Variants in SLC24A2 observed in about 807,000 individuals in gnomAD.
SLC24A2 encodes the protein solute carrier family 24 member 2.
SLC24A2 carries 36 observed loss-of-function variants against 62.0 expected under a neutral mutation model. The observed-to-expected ratio is 0.58, with a 90% CI of 0.44 to 0.77. The LOEUF is 0.77. SLC24A2 is among the 30% of genes least tolerant of loss of function. The probability of loss-of-function intolerance (pLI) is 0.00; values close to 1 mark genes in which losing one functional copy is unlikely to be tolerated. For missense variants in SLC24A2, 846 were observed against 817.9 expected (o/e 1.03, Z -0.42); for synonymous variants, 358 against 294.0 (o/e 1.22, Z -2.23).
chr9:20,276,055 C>T, the SLC24A2 span, among the ~76,000 whole-genome samples: 2,411 of 152,192 alleles, frequency 0.016, 75 homozygotes, highest in African/African-American at 0.054. Context: ...TATCATTCTG[C>T]CCCTGGCCCC....
chr9:19,836,050 C>A, the SLC24A2 span, among the ~76,000 whole-genome samples: 1 of 151,978 alleles, frequency 6.6e-6, no homozygotes, highest in Admixed American at 6.5e-5. Flanking sequence ...CACAACATAC[C>A]AGAATCTCTG....
At chr9:19,733,192 G>A (rs1199451046) in intron 2 of SLC24A2, among the ~76,000 whole-genome samples, 1 of 151,942 alleles carries the variant, frequency 6.6e-6, no homozygotes, top group African/African-American at 2.4e-5. Flanking sequence ...ATGATGGGGA[G>A]AACAGGGCAC....
the SLC24A2 span, among the ~76,000 whole-genome samples, chr9:19,797,703 T>C: frequency 6.6e-6 from 1 of 152,216 alleles, no homozygotes; most frequent in Non-Finnish European, 1.5e-5. Flanking sequence ...GGGACTTTAT[T>C]ATTCACTTTA....
chr9:19,717,138 A>G lies in SLC24A2; in HGVS notation c.930+68799T>C, dbSNP rs142404306. On this transcript the variant is annotated intron_variant, in intron 2 of 10. Transcript: ENST00000341998. ...ATGAGGTGGACTCACAATATTTGAT[A>G]AGATGTAGAGGCAGAATTAGAAGGT... 1.3e-4 allele frequency among the ~76,000 whole-genome samples: 20 copies of G among 152,346 alleles called. No homozygotes were observed. The East Asian group carries it at 3.9e-3, about 29-fold the overall frequency.
At chr9:20,128,577 T>TA in the SLC24A2 span, among the ~76,000 whole-genome samples, 1 of 152,110 alleles carries the variant, frequency 6.6e-6, no homozygotes, top group Non-Finnish European at 1.5e-5. Context: ...TTCAAAGGTC[T>TA]TTTTCCCCAG....
the SLC24A2 span, among the ~76,000 whole-genome samples, chr9:20,074,511 G>A: frequency 4.0e-5 from 6 of 150,440 alleles, no homozygotes; most frequent in Non-Finnish European, 2.9e-5. Flanking sequence ...TTCTTATTAG[G>A]TCATGCCCAG....
the SLC24A2 span, among the ~76,000 whole-genome samples, chr9:19,931,708 T>A: frequency 6.6e-6 from 1 of 152,198 alleles, no homozygotes; most frequent in African/African-American, 2.4e-5. Flanking sequence ...GGAAGTCCCA[T>A]GTCCACAACA....
chr9:20,100,623 G>T, the SLC24A2 span, among the ~76,000 whole-genome samples: 1 of 152,136 alleles, frequency 6.6e-6, no homozygotes, highest in Non-Finnish European at 1.5e-5. Flanking sequence ...GACACTTAGT[G>T]TTCAACAAAT....
the SLC24A2 span, among the ~76,000 whole-genome samples, chr9:20,123,424 C>G: frequency 6.6e-6 from 1 of 152,182 alleles, no homozygotes; most frequent in Non-Finnish European, 1.5e-5. Flanking sequence ...ATTTTCTCTA[C>G]TTTTCAAATG....
chr9:19,738,450 T>C (rs1821574023), intron 2 of SLC24A2, among the ~76,000 whole-genome samples: 1 of 152,020 alleles, frequency 6.6e-6, no homozygotes, highest in Non-Finnish European at 1.5e-5. Flanking sequence ...GGTCAGTGGG[T>C]GGATTTGTGA....
chr9:20,202,391 G>A, the SLC24A2 span, among the ~76,000 whole-genome samples: 14 of 152,200 alleles, frequency 9.2e-5, no homozygotes, highest in African/African-American at 3.4e-4. Flanking sequence ...TTTGAAGCCA[G>A]AGTGTCTTTG....
chr9:20,219,215 G>A, the SLC24A2 span, among the ~76,000 whole-genome samples: 1 of 152,284 alleles, frequency 6.6e-6, no homozygotes, highest in Admixed American at 6.5e-5. Context: ...AGAAGGCTGT[G>A]TATACTTGCT....
intron 8 of SLC24A2, among the ~76,000 whole-genome samples, chr9:19,531,664 A>G (rs1288878778): frequency 2.0e-5 from 3 of 152,054 alleles, no homozygotes; most frequent in Admixed American, 2.0e-4. Context: ...TACTCTGTGT[A>G]AGGTTCTGGG....
chr9:20,090,307 C>A, the SLC24A2 span, among the ~76,000 whole-genome samples: 1 of 152,148 alleles, frequency 6.6e-6, no homozygotes, highest in Non-Finnish European at 1.5e-5. Flanking sequence ...TTCTAAGGTT[C>A]CTTTCTTTGC....
the SLC24A2 span, among the ~76,000 whole-genome samples, chr9:19,907,734 A>G: frequency 6.6e-5 from 10 of 152,244 alleles, no homozygotes; most frequent in African/African-American, 1.9e-4. Context: ...CTCATTCACA[A>G]TTGCTTCAAA....
chr9:19,666,211 C>T (rs772461864), intron 2 of SLC24A2, among the ~76,000 whole-genome samples: 15 of 151,888 alleles, frequency 9.9e-5, no homozygotes, highest in Non-Finnish European at 2.1e-4. Context: ...TTGAGATCAG[C>T]GTGGGCAACA....
At chr9:20,129,866 G>A in the SLC24A2 span, among the ~76,000 whole-genome samples, 1 of 151,228 alleles carries the variant, frequency 6.6e-6, no homozygotes, top group Non-Finnish European at 1.5e-5. Flanking sequence ...GGAAATGCTT[G>A]CACAGCATTG....
chr9:20,293,072 T>C, the SLC24A2 span, among the ~76,000 whole-genome samples: 1 of 152,232 alleles, frequency 6.6e-6, no homozygotes, highest in Non-Finnish European at 1.5e-5. Context: ...GATCTTCACA[T>C]GGCATTTCCC....
chr9:20,231,177 A>G, the SLC24A2 span, among the ~76,000 whole-genome samples: 1 of 152,168 alleles, frequency 6.6e-6, no homozygotes, highest in Non-Finnish European at 1.5e-5. Flanking sequence ...TGATGCCTCC[A>G]GCTTTGTTCT....
Sources: allele counts gnomAD v4.1 joint callset (sites outside exome capture counted in the v4.1 genomes callset), GRCh38; gene constraint gnomAD v4.1.1; transcripts MANE v1.5; gene names NCBI Gene and HGNC (gene_info 2026-07-23, HGNC 2026-07-21).